The following TLE4 variants were observed in gnomAD, a reference collection of about 807,000 sequenced individuals.
TLE4 encodes TLE family member 4, transcriptional corepressor.
In TLE4, 8 loss-of-function variants were observed where a neutral mutation model predicts 92.8. The observed-to-expected ratio is 0.09, with a 90% CI of 0.05 to 0.16. The LOEUF (loss-of-function observed/expected upper bound fraction) is 0.16, where lower values mean the gene tolerates loss of function less well. Among genes scored for constraint, TLE4 ranks in the 10% least tolerant of loss-of-function variants. The probability of loss-of-function intolerance (pLI) is 1.00; values close to 1 mark genes in which losing one functional copy is unlikely to be tolerated. For synonymous variants in TLE4, 371 were observed against 374.1 expected, an observed-to-expected ratio of 0.99 and a Z score of 0.10; for missense variants, 675 against 997.6, an observed-to-expected ratio of 0.68 and a Z score of 4.36.
intron 1 of TLE4, chr9:79,573,143 A>C: frequency 1.4e-6 from 1 of 702,814 alleles, no homozygotes; most frequent in East Asian, 5.6e-5. Flanking sequence ...CGAGCGATGA[A>C]GGAGGCGCGA....
At chr9:79,678,453 A>G (rs567936332) in intron 8 of TLE4, among the ~76,000 whole-genome samples, 2 of 152,032 alleles carry the variant, frequency 1.3e-5, no homozygotes, top group Non-Finnish European at 2.9e-5. Context: ...AATTTATTCT[A>G]TCAATAATTC....
At chr9:79,712,674 A>G (rs919600387) in intron 14 of TLE4, among the ~76,000 whole-genome samples, 4 of 152,240 alleles carry the variant, frequency 2.6e-5, no homozygotes, top group African/African-American at 9.6e-5. Flanking sequence ...TATAATTCAC[A>G]TTGAATCCTC....
chr9:79,710,760 C>G (rs6559493), intron 14 of TLE4, among the ~76,000 whole-genome samples: 135,337 of 152,168 alleles, frequency 0.89, 60,184 homozygotes, highest in Admixed American at 0.9. Flanking sequence ...ATTCTTTCCT[C>G]TTCTACTACC....
At chr9:79,633,795 T>A (rs1288797210) in intron 6 of TLE4, among the ~76,000 whole-genome samples, 1 of 152,196 alleles carries the variant, frequency 6.6e-6, no homozygotes, top group East Asian at 1.9e-4. Flanking sequence ...GAGACCTTTT[T>A]CCTTGTGGTG....
chr9:79,653,656 T>C (rs375366201), intron 7 of TLE4, among the ~76,000 whole-genome samples: 122 of 152,340 alleles, frequency 8.0e-4, no homozygotes, highest in African/African-American at 2.5e-3. Flanking sequence ...TCAGCATCCT[T>C]ACTGTGAATT....
intron 4 of TLE4, among the ~76,000 whole-genome samples, chr9:79,594,524 T>G (rs534063240): frequency 6.5e-4 from 99 of 152,182 alleles, no homozygotes; most frequent in African/African-American, 2.2e-3. Flanking sequence ...TTTTTTTTTT[T>G]GGGAGATTCA....
intron 6 of TLE4, 146 bp downstream of exon 6, chr9:79,627,594 T>C: frequency 1.4e-6 from 1 of 726,346 alleles, no homozygotes; most frequent in Non-Finnish European, 2.3e-6. Context: ...CAATCTCCTG[T>C]GAAATTTGAT....
intron 8 of TLE4, among the ~76,000 whole-genome samples, chr9:79,701,400 A>G (rs906838963): frequency 1.3e-5 from 2 of 152,372 alleles, no homozygotes; most frequent in East Asian, 3.9e-4. Flanking sequence ...ATATGAGCCA[A>G]TAAATGAACA....
In TLE4 at chr9:79,573,793, A is replaced by C; in HGVS notation, c.143+7A>C. On this transcript the variant is annotated splice_region_variant and intron_variant, in intron 2 of 19. Coordinates refer to ENST00000376552, the MANE Select transcript of TLE4 (RefSeq NM_007005.6). ...TACAGGCTCAATACCACAGGTAACG[A>C]TATTGACTTTAGCTGATCCTTCTGT... 1.3e-6 allele frequency: 2 copies of C among 1,567,810 alleles called. No individual in the cohort carries two copies. Among genetic ancestry groups the C allele is most frequent in the Non-Finnish European group, 1.7e-6 (2 of 1,145,712 alleles).
At chr9:79,577,862 T>A (rs1337177498) in intron 4 of TLE4, among the ~76,000 whole-genome samples, 1 of 152,218 alleles carries the variant, frequency 6.6e-6, no homozygotes, top group African/African-American at 2.4e-5. Context: ...TATTTCTTTT[T>A]CGAGGGGGTA....
intron 5 of TLE4, among the ~76,000 whole-genome samples, chr9:79,625,014 CTTTTTTTTT>C (rs34968887): frequency 1.1e-4 from 9 of 79,938 alleles, no homozygotes; most frequent in East Asian, 4.1e-4. Context: ...TATTTCTTTT[CTTTTTTTTT>C]TTTTTTTTTT....
intron 8 of TLE4, among the ~76,000 whole-genome samples, chr9:79,676,837 A>C (rs909343401): frequency 1.3e-5 from 2 of 152,152 alleles, no homozygotes; most frequent in African/African-American, 4.8e-5. Flanking sequence ...AAAATCCTCA[A>C]ATTATTAGTT....
At chr9:79,684,733 G>A (rs1294703737) in intron 8 of TLE4, among the ~76,000 whole-genome samples, 1 of 152,096 alleles carries the variant, frequency 6.6e-6, no homozygotes, top group Non-Finnish European at 1.5e-5. Flanking sequence ...TATCCCTCTA[G>A]CAGGCTAGCC....
intron 8 of TLE4, among the ~76,000 whole-genome samples, chr9:79,676,478 A>G (rs1414953459): frequency 6.6e-6 from 1 of 152,170 alleles, no homozygotes; most frequent in Admixed American, 6.6e-5. Context: ...CTGCCACCCA[A>G]CTAAGGTACT....
chr9:79,613,811 G>A (rs2048904066), intron 5 of TLE4, among the ~76,000 whole-genome samples: 1 of 151,932 alleles, frequency 6.6e-6, no homozygotes, highest in South Asian at 2.1e-4. Flanking sequence ...TTTTTTCTTT[G>A]GTCTGGACTG....
At chr9:79,679,191 C>T (rs1229006682) in intron 8 of TLE4, among the ~76,000 whole-genome samples, 2 of 152,012 alleles carry the variant, frequency 1.3e-5, no homozygotes, top group South Asian at 2.1e-4. Context: ...CCTGAGGAAT[C>T]GCCACACTGA....
At chr9:79,667,488 A>G (rs1158526783) in intron 8 of TLE4, among the ~76,000 whole-genome samples, 1 of 152,254 alleles carries the variant, frequency 6.6e-6, no homozygotes, top group Non-Finnish European at 1.5e-5. Flanking sequence ...AGGGAATTCT[A>G]AAATATAACA....
At chr9:79,667,020 A>T (rs763548093) in intron 8 of TLE4, among the ~76,000 whole-genome samples, 1 of 152,358 alleles carries the variant, frequency 6.6e-6, no homozygotes, top group South Asian at 2.1e-4. Flanking sequence ...TGCTTTAACC[A>T]CGTGGGTCCT....
intron 11 of TLE4, 149 bp downstream of exon 11, chr9:79,707,048 AG>A: frequency 3.2e-6 from 5 of 1,573,492 alleles, no homozygotes; most frequent in Non-Finnish European, 4.4e-6. Flanking sequence ...AATTGGCAAA[AG>A]TATGTAGAGC....
Sources: allele counts gnomAD v4.1 joint callset (sites outside exome capture counted in the v4.1 genomes callset), GRCh38; gene constraint gnomAD v4.1.1; transcripts MANE v1.5; gene names NCBI Gene and HGNC (gene_info 2026-07-23, HGNC 2026-07-21).